The following KCNT1 variants were observed in gnomAD, a reference collection of about 807,000 sequenced individuals.
KCNT1 encodes potassium sodium-activated channel subfamily T member 1.
KCNT1 carries 78 observed loss-of-function variants against 147.8 expected under a neutral mutation model. That is an observed-to-expected ratio of 0.53 (90% CI 0.44 to 0.64). KCNT1 has a LOEUF of 0.64. Ranked by LOEUF, KCNT1 falls within the 30% of genes least tolerant of loss-of-function variation. KCNT1 has a pLI of 0.00. For synonymous variants in KCNT1, 867 were observed against 748.8 expected (o/e 1.16, Z -2.58); for missense variants, 1,419 against 1,750.3 (o/e 0.81, Z 3.38).
At chr9:135,718,305 T>C (rs1218103449) in intron 2 of KCNT1, among the ~76,000 whole-genome samples, 1 of 152,164 alleles carries the variant, frequency 6.6e-6, no homozygotes, top group African/African-American at 2.4e-5. Context: ...CTTATCTGAA[T>C]GCAGGAGGGA....
Position 135,777,455 on chromosome 9 carries a change from G to A in KCNT1, c.2467G>A (p.Ala823Thr). ...GLYNFIVPLR[A>T]YYRSRKELNP... ...GTACAACTTCATCGTGCCACTGCGGGCCTACTACAGATCCCGCAAGGAGCT... is the reference window on the plus strand; with the variant it reads ...GTACAACTTCATCGTGCCACTGCGGACCTACTACAGATCCCGCAAGGAGCT... The change falls in exon 21 of 31, where the codon GCC becomes ACC. Residue 823 changes from alanine to threonine, a missense_variant. Physicochemically the swap from Ala to Thr is moderately conservative, Grantham distance 58 (BLOSUM62 0). Coordinates refer to ENST00000371757, the MANE Select transcript of KCNT1 (RefSeq NM_020822.3). The A allele has an allele frequency of 3.7e-6, 6 of 1,614,042 alleles. No individual in the cohort carries two copies. Among genetic ancestry groups the A allele is most frequent in the African/African-American group, 1.3e-5 (1 of 75,026 alleles).
At chr9:135,723,846 G>C (rs964553462) in intron 2 of KCNT1, among the ~76,000 whole-genome samples, 3 of 152,214 alleles carry the variant, frequency 2.0e-5, no homozygotes, top group Non-Finnish European at 4.4e-5. Context: ...GCCCAGCACA[G>C]GTACCTCATG....
chr9:135,731,987 T>TAG (rs1564328006), intron 2 of KCNT1, among the ~76,000 whole-genome samples: 12 of 21,836 alleles, frequency 5.5e-4, no homozygotes, highest in Non-Finnish European at 6.7e-4. Flanking sequence ...TATATATATA[T>TAG]ATATAGAGAG....
In KCNT1 at chr9:135,770,367, C is replaced by T. The variant is rs765616016; in HGVS notation, c.1689C>T (p.His563=). The part of the protein sequence containing the change: ...YGRCSGNEVY[H]IRMGDSKFFR... ...GCTGCTCCGGCAACGAGGTGTACCA[C>T]ATCCGCATGGGTGACAGCAAGTTCT... Residue 563 remains histidine, a synonymous_variant, in exon 17 of 31, where the codon CAC becomes CAT. Coordinates refer to ENST00000371757, the MANE Select transcript of KCNT1 (RefSeq NM_020822.3). 9.3e-6 allele frequency: 15 copies of T among 1,613,112 alleles called. No homozygotes were observed. The African/African-American group carries it at 9.3e-5, about 10-fold the overall frequency.
rs1373490805 is a variant in KCNT1 at position 135,765,779 on chromosome 9, A to G, written c.1337+19A>G. ...GAGCCAAGTGAGTGCTGGTGGGCGG[A>G]GGGGGTGGCATGGGGGCACCTTCCT... On this transcript the variant is annotated intron_variant, in intron 13 of 30. Coordinates refer to ENST00000371757, the MANE Select transcript of KCNT1 (RefSeq NM_020822.3). 2 of 832,214 alleles carry G rather than the reference A, an allele frequency of 2.4e-6. No homozygotes were observed. The highest frequency in any genetic ancestry group is 1.8e-5 in the African/African-American group (1 of 57,130). 51.6% of individuals were successfully genotyped at this position (832,214 alleles called of 1,614,324 possible). A position where few individuals can be genotyped will look rare whatever the true frequency, so the allele number is the denominator to read the frequency against.
intron 24 of KCNT1, among the ~76,000 whole-genome samples, chr9:135,780,569 G>A (rs1833539007): frequency 1.3e-5 from 2 of 152,226 alleles, no homozygotes; most frequent in Admixed American, 1.3e-4. Context: ...GCAGCCACCA[G>A]GTCAACAGGG....
At chr9:135,749,467 T>TAGGTGAGCCTGAGGGA (rs2131405827) in intron 2 of KCNT1, among the ~76,000 whole-genome samples, 1 of 152,198 alleles carries the variant, frequency 6.6e-6, no homozygotes, top group African/African-American at 2.4e-5. Context: ...GCTGGGGCCA[T>TAGGTGAGCCTGAGGGA]AGGTGAGCCT....
intron 12 of KCNT1, 67 bp downstream of exon 12, chr9:135,765,262 C>T (rs1832183914): frequency 2.0e-6 from 3 of 1,473,278 alleles, no homozygotes; most frequent in African/African-American, 2.8e-5. Flanking sequence ...ATCCTCTCCC[C>T]AGGACTGCTT....
chr9:135,708,664 C>T (rs1835354503), intron 1 of KCNT1, among the ~76,000 whole-genome samples: 1 of 152,244 alleles, frequency 6.6e-6, no homozygotes, highest in Non-Finnish European at 1.5e-5. Context: ...GATCCTCCCA[C>T]TTCAGCCTCC....
At chr9:135,760,703 C>G (rs1437757926) in intron 11 of KCNT1, among the ~76,000 whole-genome samples, 2 of 152,248 alleles carry the variant, frequency 1.3e-5, no homozygotes, top group East Asian at 3.9e-4. Flanking sequence ...CTTCTCCTCA[C>G]TATATCCAAG....
At chr9:135,737,221 C>T (rs2131374147) in intron 2 of KCNT1, among the ~76,000 whole-genome samples, 1 of 152,306 alleles carries the variant, frequency 6.6e-6, no homozygotes, top group Non-Finnish European at 1.5e-5. Context: ...ACACAGGGCT[C>T]AGGCTGCCTG....
rs541189389 is a variant in KCNT1, at chr9:135,737,299, C to G, written c.255-12799C>G. ...TTGTGGCAGGAGGGGTGCAGGTGGCCGTCCTCTGGGGATGGTTGGGCAGGT... is the reference window on the plus strand; with the variant it reads ...TTGTGGCAGGAGGGGTGCAGGTGGCGGTCCTCTGGGGATGGTTGGGCAGGT... On this transcript the variant is annotated intron_variant, in intron 2 of 30. Transcript: ENST00000371757. Among the ~76,000 whole-genome samples, 5 of 152,238 alleles carry G rather than the reference C, an allele frequency of 3.3e-5. No individual in the cohort carries two copies. In the South Asian group the frequency reaches 1.0e-3, roughly 32 times the overall value.
At chr9:135,749,152 G>A (rs1831004776) in intron 2 of KCNT1, among the ~76,000 whole-genome samples, 1 of 152,188 alleles carries the variant, frequency 6.6e-6, no homozygotes, top group African/African-American at 2.4e-5. Flanking sequence ...GCCTAGCCTG[G>A]CCCGCATCCC....
chr9:135,776,836 C>G (rs117950924), intron 20 of KCNT1, among the ~76,000 whole-genome samples: 1,585 of 152,362 alleles, frequency 0.01, 31 homozygotes, highest in East Asian at 0.054. Context: ...ATCCCCTCAC[C>G]CTTTGAGCTC....
chr9:135,781,590 T>C (rs1006686554), intron 24 of KCNT1, among the ~76,000 whole-genome samples: 1 of 150,474 alleles, frequency 6.6e-6, no homozygotes, highest in Non-Finnish European at 1.5e-5. Flanking sequence ...CAATTTATTA[T>C]AAAAATGTAC....
chr9:135,757,353 T>C lies in KCNT1; in HGVS notation c.731T>C (p.Leu244Pro), dbSNP rs1246462476. 6.2e-7 allele frequency: 1 copy of C among 1,610,648 alleles called. No homozygotes were observed. The highest frequency in any genetic ancestry group is 8.5e-7 in the Non-Finnish European group (1 of 1,179,952). ...LFIPVFLNCW[L>P]AKHALENMIN... Reference sequence around the variant, plus strand: ...ATCCCCGTCTTTCTGAACTGCTGGCTGGCCAAGCACGCGCTGGAAAACATG... The same window carrying C: ...ATCCCCGTCTTTCTGAACTGCTGGCCGGCCAAGCACGCGCTGGAAAACATG... Residue 244 changes from leucine (L) to proline (P), a missense_variant, in exon 9 of 31, where the codon CTG becomes CCG. Leu to Pro is a moderately conservative substitution (Grantham distance 98). This residue lies in a region of KCNT1 where 401 missense variants were observed against 610.6 expected (regional missense o/e 0.66). Coordinates refer to ENST00000371757, the MANE Select transcript of KCNT1 (RefSeq NM_020822.3).
Position 135,730,713 on chromosome 9 carries a change from C to T in KCNT1, c.254+15993C>T, listed in dbSNP as rs1316530859. Among the ~76,000 whole-genome samples the T allele has an allele frequency of 1.3e-5, 2 of 152,076 alleles. No homozygotes were observed. Among genetic ancestry groups the T allele is most frequent in the Admixed American group, 6.5e-5 (1 of 15,274 alleles). On this transcript the variant is annotated intron_variant, in intron 2 of 30. Coordinates refer to ENST00000371757, the MANE Select transcript of KCNT1 (RefSeq NM_020822.3). This position sits in a 1 kb window ranked among gnomAD's most constrained non-coding sequence, Gnocchi z 4.7. Reference sequence around the variant, plus strand: ...TTAAAACACTTGTGTTGGCCGGGTACGGTGGCTCACACCTGAAATCTCAGC... The same window carrying T: ...TTAAAACACTTGTGTTGGCCGGGTATGGTGGCTCACACCTGAAATCTCAGC...
chr9:135,752,809 G>A lies in KCNT1; in HGVS notation c.435-1128G>A, dbSNP rs541346299. Among the ~76,000 whole-genome samples, 26 of 150,274 alleles carry A rather than the reference G, an allele frequency of 1.7e-4. No homozygotes were observed. The highest frequency in any genetic ancestry group is 2.8e-4 in the Non-Finnish European group (19 of 67,324). On this transcript the variant is annotated intron_variant, in intron 4 of 30. Coordinates refer to ENST00000371757, the MANE Select transcript of KCNT1 (RefSeq NM_020822.3). The surrounding 1 kb of genome is among the most constrained non-coding windows in gnomAD (Gnocchi z 5.1). ...GGATGGATGGATGGATGGATGATGC[G>A]TGGATGGGTGGAGGGATGGATGTTG... is the stretch of plus-strand genomic sequence containing the variant.
chr9:135,759,423 A>G (rs1421683301), intron 10 of KCNT1, among the ~76,000 whole-genome samples: 1 of 152,200 alleles, frequency 6.6e-6, no homozygotes, highest in Non-Finnish European at 1.5e-5. Context: ...TTCGCCGTGA[A>G]CAGAGGCCGC....
Sources: allele counts gnomAD v4.1 joint callset (sites outside exome capture counted in the v4.1 genomes callset), GRCh38; gene constraint gnomAD v4.1.1; regional missense constraint gnomAD v4.1.1; non-coding constraint Gnocchi (gnomAD v3.1); transcripts MANE v1.5; gene names NCBI Gene and HGNC (gene_info 2026-07-23, HGNC 2026-07-21).